The following NPHP4 variants were observed in gnomAD, a reference collection of about 807,000 sequenced individuals.
NPHP4 encodes nephrocystin 4.
A neutral mutation model predicts 155.8 loss-of-function variants in NPHP4; 151 were observed. That is an observed-to-expected ratio of 0.97 (90% CI 0.85 to 1.11). The LOEUF is 1.11. NPHP4 is among the 50% of genes least tolerant of loss of function. NPHP4 has a pLI of 0.00. For synonymous variants in NPHP4, 845 were observed against 816.8 expected, an observed-to-expected ratio of 1.03 and a Z score of -0.59; for missense variants, 1,956 against 1,925.7, an observed-to-expected ratio of 1.02 and a Z score of -0.29.
intron 9 of NPHP4, among the ~76,000 whole-genome samples, chr1:5,939,530 C>T (rs1028019284): frequency 2.0e-5 from 3 of 152,126 alleles, no homozygotes; most frequent in Non-Finnish European, 2.9e-5. Flanking sequence ...GTGGCTGGCA[C>T]GTGGGCCCTG....
intron 20 of NPHP4, 90 bp from the exon 21 acceptor site, chr1:5,875,190 A>C: frequency 1.0e-6 from 1 of 967,598 alleles, no homozygotes; most frequent in Non-Finnish European, 1.6e-6. Context: ...CCGCGATCTC[A>C]GAAGAGGACA....
Position 5,935,050 on chromosome 1 carries a change from C to T in NPHP4, c.1120-1721G>A, listed in dbSNP as rs181856538. Reference sequence around the variant, plus strand: ...ATCCGGACACAGATGGCCCCATGGTCTCTACTGGGCTAAACCACAGCCAAC... The same window carrying T: ...ATCCGGACACAGATGGCCCCATGGTTTCTACTGGGCTAAACCACAGCCAAC... On this transcript the variant is annotated intron_variant, in intron 9 of 29. Coordinates refer to ENST00000378156, the MANE Select transcript of NPHP4 (RefSeq NM_015102.5). Among the ~76,000 whole-genome samples the T allele has an allele frequency of 4.2e-3, 644 of 152,268 alleles. 6 individuals are homozygous for T. Among genetic ancestry groups the T allele is most frequent in the African/African-American group, 0.014 (597 of 41,548 alleles).
At chr1:5,909,636 C>T (rs911914658) in intron 11 of NPHP4, among the ~76,000 whole-genome samples, 1 of 152,186 alleles carries the variant, frequency 6.6e-6, no homozygotes, top group African/African-American at 2.4e-5. Context: ...CCTGAGCAGA[C>T]ACTGCCAACC....
intron 9 of NPHP4, among the ~76,000 whole-genome samples, chr1:5,946,199 G>A (rs993369934): frequency 1.3e-5 from 2 of 152,174 alleles, no homozygotes; most frequent in Admixed American, 6.5e-5. Flanking sequence ...TGGAAAAGGC[G>A]GAACTGCATT....
intron 11 of NPHP4, among the ~76,000 whole-genome samples, chr1:5,918,042 C>T (rs979967720): frequency 2.6e-5 from 4 of 152,214 alleles, no homozygotes; most frequent in African/African-American, 9.6e-5. Flanking sequence ...TTATTTTAAG[C>T]TACCGAGATC....
intron 18 of NPHP4, 100 bp downstream of exon 18, chr1:5,887,186 C>T: frequency 8.8e-7 from 1 of 1,131,012 alleles, no homozygotes; most frequent in Non-Finnish European, 1.3e-6. Flanking sequence ...CCTCCTGGGC[C>T]CGTGAAGCCC....
intron 16 of NPHP4, among the ~76,000 whole-genome samples, chr1:5,903,904 G>C (rs1475284104): frequency 6.6e-6 from 1 of 152,216 alleles, no homozygotes; most frequent in Admixed American, 6.5e-5. Context: ...GGGCGCAGCG[G>C]AGGTGCAGGA....
At chr1:5,984,113 A>G (rs1459577710) in intron 2 of NPHP4, among the ~76,000 whole-genome samples, 1 of 152,202 alleles carries the variant, frequency 6.6e-6, no homozygotes, top group Non-Finnish European at 1.5e-5. Flanking sequence ...TTCATCAATC[A>G]CGGCCTCACT....
At chr1:5,864,662 C>A in intron 27 of NPHP4, 145 bp from the exon 28 acceptor site, 1 of 665,362 alleles carries the variant, frequency 1.5e-6, no homozygotes, top group Non-Finnish European at 2.5e-6. Context: ...CACAACCAAC[C>A]CTGACATGAC....
rs1416167789 is a variant in NPHP4 at position 5,892,441 on chromosome 1, C to A, written c.2144-1413G>T. 5.3e-5 allele frequency among the ~76,000 whole-genome samples: 8 copies of A among 152,210 alleles called. No individual in the cohort carries two copies. The highest frequency in any genetic ancestry group is 1.9e-4 in the African/African-American group (8 of 41,526). On this transcript the variant is annotated intron_variant, in intron 16 of 29. Transcript: ENST00000378156. This position sits in a 1 kb window ranked among gnomAD's most constrained non-coding sequence, Gnocchi z 4.5. ...AACCCAGAGCTCCTTAAGGGTGGGGCCCTGCTTGTCCAGTTCTCCCAGCAC... is the reference window on the plus strand; with the variant it reads ...AACCCAGAGCTCCTTAAGGGTGGGGACCTGCTTGTCCAGTTCTCCCAGCAC...
In NPHP4 at chr1:5,905,175, C is replaced by T. The variant is rs974055521; in HGVS notation, c.1955+117G>A. On this transcript the variant is annotated intron_variant, in intron 15 of 29. Transcript: ENST00000378156. The surrounding 1 kb of genome is among the most constrained non-coding windows in gnomAD (Gnocchi z 4.0). ...GAGAAGATAAAAACAGATGGCACTC[C>T]CGAATCTACTAAGACCTCAGCACAG... is the stretch of plus-strand genomic sequence containing the variant. 1.2e-6 allele frequency: 1 copy of T among 833,008 alleles called. No homozygotes were observed. The highest frequency in any genetic ancestry group is 2.0e-6 in the Non-Finnish European group (1 of 493,950). The allele number at this position is 833,008 out of a possible 1,614,324, so 51.6% of individuals were successfully genotyped here. A position where few individuals can be genotyped will look rare whatever the true frequency, so the allele number is the denominator to read the frequency against.
chr1:5,899,155 C>T (rs1457249307), intron 16 of NPHP4, among the ~76,000 whole-genome samples: 2 of 152,144 alleles, frequency 1.3e-5, no homozygotes, highest in African/African-American at 2.4e-5. Context: ...AGGTGCTGCT[C>T]CACAACCCAG....
intron 2 of NPHP4, among the ~76,000 whole-genome samples, chr1:5,982,856 C>A (rs1157037526): frequency 2.0e-5 from 3 of 152,170 alleles, no homozygotes; most frequent in Non-Finnish European, 4.4e-5. Context: ...TTATTTCTAA[C>A]TTAAAAGCAC....
intron 16 of NPHP4, among the ~76,000 whole-genome samples, chr1:5,896,240 G>A (rs1644390122): frequency 6.6e-6 from 1 of 152,202 alleles, no homozygotes; most frequent in Admixed American, 6.5e-5. Context: ...CACACACTGG[G>A]CTACGGTGTT....
chr1:5,904,879 T>C (rs1011204965), intron 15 of NPHP4, 75 bp from the exon 16 acceptor site: 43 of 1,436,564 alleles, frequency 3.0e-5, no homozygotes, highest in Middle Eastern at 1.8e-4. Context: ...TGTGTTTGCA[T>C]AGGGGATGGT....
At chr1:5,927,607 C>G in intron 11 of NPHP4, 42 bp downstream of exon 11, 4 of 1,566,992 alleles carry the variant, frequency 2.6e-6, no homozygotes, top group Non-Finnish European at 3.5e-6. Context: ...GGAAGTGCTG[C>G]CTGCCATGTG....
intron 16 of NPHP4, among the ~76,000 whole-genome samples, chr1:5,896,654 C>G (rs1644408598): frequency 6.6e-6 from 1 of 152,224 alleles, no homozygotes; most frequent in African/African-American, 2.4e-5. Context: ...CATGAACTCA[C>G]ATTTTACATT....
At chr1:5,920,323 C>T (rs1477375241) in intron 11 of NPHP4, among the ~76,000 whole-genome samples, 2 of 151,958 alleles carry the variant, frequency 1.3e-5, no homozygotes, top group East Asian at 1.9e-4. Flanking sequence ...AGCCTCCCAA[C>T]ATGCTGGGAT....
At chr1:5,875,993 G>A (rs929332876) in intron 20 of NPHP4, 5 of 152,312 alleles carry the variant, frequency 3.3e-5, no homozygotes, top group African/African-American at 9.6e-5. Context: ...TTTGCAGGGG[G>A]ATTGGAGCTG....
Sources: gnomAD v4.1 joint callset for allele counts (sites outside exome capture counted in the v4.1 genomes callset) on GRCh38, gnomAD v4.1.1 for gene constraint, Gnocchi (gnomAD v3.1) non-coding constraint, MANE v1.5 for transcripts, NCBI Gene and HGNC (gene_info 2026-07-23, HGNC 2026-07-21) for gene names.